PTPN11: variants seen among roughly 807,000 people sequenced by gnomAD.
PTPN11 encodes protein tyrosine phosphatase non-receptor type 11.
PTPN11 carries 6 observed loss-of-function variants against 78.8 expected under a neutral mutation model. The ratio of observed to expected loss-of-function variants is 0.08; its 90% confidence interval spans 0.04 to 0.15. PTPN11 has a LOEUF of 0.15. Ranked by LOEUF, PTPN11 falls within the 10% of genes least tolerant of loss-of-function variation. The pLI is 1.00. For missense variants in PTPN11, 386 were observed against 744.8 expected (o/e 0.52, Z 5.61); for synonymous variants, 221 against 263.5 (o/e 0.84, Z 1.56).
At chr12:112,446,921 A>G (rs1266444785) in intron 2 of PTPN11, among the ~76,000 whole-genome samples, 1 of 151,942 alleles carries the variant, frequency 6.6e-6, no homozygotes, top group South Asian at 2.1e-4. Flanking sequence ...GCTGGAGTGC[A>G]GTGGTACGAT....
intron 14 of PTPN11, 82 bp downstream of exon 14, chr12:112,502,338 C>T (rs2038885899): frequency 3.4e-6 from 4 of 1,166,496 alleles, no homozygotes; most frequent in Non-Finnish European, 5.2e-6. Flanking sequence ...AAACAAAACA[C>T]AAGTTTGTAG....
At chr12:112,442,876 A>G (rs1163838832) in intron 1 of PTPN11, among the ~76,000 whole-genome samples, 2 of 70,734 alleles carry the variant, frequency 2.8e-5, no homozygotes, top group Admixed American at 3.0e-4. Context: ...ATATATATAT[A>G]TAAATTATAT....
chr12:112,462,970 A>T (rs2038271458), intron 6 of PTPN11, among the ~76,000 whole-genome samples: 1 of 152,188 alleles, frequency 6.6e-6, no homozygotes, highest in Admixed American at 6.5e-5. Context: ...GTTATTATTC[A>T]TCTATAACTT....
chr12:112,455,206 T>C (rs2038139920), intron 5 of PTPN11, among the ~76,000 whole-genome samples: 1 of 151,922 alleles, frequency 6.6e-6, no homozygotes, highest in African/African-American at 2.4e-5. Flanking sequence ...TTCCCATATT[T>C]ATCTGTAAAA....
intron 1 of PTPN11, among the ~76,000 whole-genome samples, chr12:112,424,956 TTGTGTGTGTGTGTGTG>T (rs34463047): frequency 0.019 from 1,716 of 88,918 alleles, 8 homozygotes; most frequent in Middle Eastern, 0.031. Flanking sequence ...GTCAGGCTAA[TTGTGTGTGTGTGTGTG>T]TGTGTGTGTG....
intron 2 of PTPN11, among the ~76,000 whole-genome samples, chr12:112,446,929 G>A (rs952102642): frequency 6.6e-6 from 1 of 151,814 alleles, no homozygotes; most frequent in Non-Finnish European, 1.5e-5. Flanking sequence ...GCAGTGGTAC[G>A]ATCACAGCTT....
intron 6 of PTPN11, among the ~76,000 whole-genome samples, chr12:112,456,458 CTTT>C (rs11320404): frequency 7.2e-5 from 9 of 124,540 alleles, no homozygotes; most frequent in Admixed American, 2.4e-4. Flanking sequence ...CTTGTGGTGG[CTTT>C]TTTTTTTTTT....
At chr12:112,500,024 A>G (rs1161439602) in intron 13 of PTPN11, among the ~76,000 whole-genome samples, 1 of 151,778 alleles carries the variant, frequency 6.6e-6, no homozygotes, top group Non-Finnish European at 1.5e-5. Flanking sequence ...CGGGTGGATC[A>G]CTTGAGGCCA....
chr12:112,473,428 T>C (rs537328913), intron 7 of PTPN11, among the ~76,000 whole-genome samples: 27 of 152,282 alleles, frequency 1.8e-4, no homozygotes, highest in African/African-American at 6.5e-4. Context: ...GCCTCCTTTC[T>C]GGGACTCAGT....
intron 13 of PTPN11, among the ~76,000 whole-genome samples, chr12:112,490,110 A>T (rs1299773409): frequency 6.6e-6 from 1 of 152,200 alleles, no homozygotes; most frequent in East Asian, 1.9e-4. Flanking sequence ...TTTGAACCTC[A>T]GTGCTTTAAA....
intron 6 of PTPN11, among the ~76,000 whole-genome samples, chr12:112,472,566 C>G (rs2038435199): frequency 1.3e-5 from 2 of 150,346 alleles, no homozygotes; most frequent in African/African-American, 4.9e-5. Context: ...CGGAGTCTCG[C>G]TCTTTCGCCC....
Position 112,450,528 on chromosome 12 carries a change from G to A in PTPN11, c.332+16G>A. 1 of 1,610,094 alleles carries A rather than the reference G, an allele frequency of 6.2e-7. No homozygotes were observed. Among genetic ancestry groups the A allele is most frequent in the Non-Finnish European group, 8.5e-7 (1 of 1,176,436 alleles). ...CCTCTGAAAGGTCAGTAACATTTTA[G>A]TGACCACAAAGTCTGCTGCTCCCTT... On this transcript the variant is annotated intron_variant, in intron 3 of 15. Coordinates refer to ENST00000351677, the MANE Select transcript of PTPN11 (RefSeq NM_002834.5).
intron 4 of PTPN11, among the ~76,000 whole-genome samples, chr12:112,453,646 G>GTTTTTTTTT (rs376601242): frequency 3.4e-5 from 4 of 116,576 alleles, no homozygotes; most frequent in Non-Finnish European, 3.8e-5. Context: ...CAGATTTTCT[G>GTTTTTTTTT]TTTTTTTTTT....
At chr12:112,425,425 A>T (rs1459125695) in intron 1 of PTPN11, among the ~76,000 whole-genome samples, 1 of 152,162 alleles carries the variant, frequency 6.6e-6, no homozygotes, top group African/African-American at 2.4e-5. Flanking sequence ...AATGAGGAAT[A>T]TTCTTGTAAT....
chr12:112,437,545 CT>C (rs1323460058), intron 1 of PTPN11, among the ~76,000 whole-genome samples: 2 of 152,226 alleles, frequency 1.3e-5, no homozygotes, highest in Admixed American at 1.3e-4. Context: ...GTATTGGATT[CT>C]TTTATATTTT....
At chr12:112,442,857 T>TATATATATATATAAATTATATATACAC (rs1566162682) in intron 1 of PTPN11, among the ~76,000 whole-genome samples, 4 of 76,142 alleles carry the variant, frequency 5.3e-5, no homozygotes, top group African/African-American at 2.5e-4. Flanking sequence ...TATATATATA[T>TATATATATATATAAATTATATATACAC]ATATATATAT....
chr12:112,447,002 A>G (rs1380646348), intron 2 of PTPN11, among the ~76,000 whole-genome samples: 1 of 151,848 alleles, frequency 6.6e-6, no homozygotes, highest in African/African-American at 2.4e-5. Flanking sequence ...GGTAGCTGGG[A>G]CTCCAGGCTT....
At chr12:112,438,544 C>T (rs1216581629) in intron 1 of PTPN11, among the ~76,000 whole-genome samples, 1 of 151,700 alleles carries the variant, frequency 6.6e-6, no homozygotes, top group Non-Finnish European at 1.5e-5. Flanking sequence ...TGTAGTGGTG[C>T]AATCTCGGCT....
At chr12:112,480,332 T>A (rs1165215352) in intron 9 of PTPN11, among the ~76,000 whole-genome samples, 4 of 151,978 alleles carry the variant, frequency 2.6e-5, no homozygotes, top group Admixed American at 6.6e-5. Context: ...GAAAGCTGAA[T>A]TGAGAATCAT....
Sources: gnomAD v4.1 joint callset for allele counts (sites outside exome capture counted in the v4.1 genomes callset) on GRCh38, gnomAD v4.1.1 for gene constraint, MANE v1.5 for transcripts, NCBI Gene and HGNC (gene_info 2026-07-23, HGNC 2026-07-21) for gene names.